The following TDRD12 variants were observed in gnomAD, a reference collection of about 807,000 sequenced individuals.
TDRD12 encodes the protein putative ATP-dependent RNA helicase TDRD12.
In TDRD12, 158 loss-of-function variants were observed where a neutral mutation model predicts 133.5. The ratio of observed to expected loss-of-function variants is 1.18; its 90% CI spans 1.04 to 1.35. TDRD12 has a LOEUF of 1.35. Among genes scored for constraint, TDRD12 ranks in the 40% most tolerant of loss-of-function variants. The pLI is 0.00. For synonymous variants in TDRD12, 460 were observed against 477.9 expected, an observed-to-expected ratio of 0.96 and a Z score of 0.49; for missense variants, 1,443 against 1,321.3, an observed-to-expected ratio of 1.09 and a Z score of -1.43.
chr19:32,799,728 C>CTTTTTTTTTTTTTTTTT lies in TDRD12; in HGVS notation c.1759-432_1759-416dup, dbSNP rs71176153. On this transcript the variant is annotated intron_variant, in intron 16 of 27. Coordinates refer to ENST00000444215, the Ensembl canonical transcript of TDRD12. ...ACATTTTCTCCTATTTAGTTTTTGC[C>CTTTTTTTTTTTTTTTTT]TTTTTTTTTTTTTTTTTTTTTTTGA... is the stretch of plus-strand genomic sequence containing the variant. Among the ~76,000 whole-genome samples, 12 of 78,434 alleles carry CTTTTTTTTTTTTTTTTT rather than the reference C, an allele frequency of 1.5e-4. 1 individual carries two copies. The highest frequency in any genetic ancestry group is 2.2e-4 in the African/African-American group (4 of 17,998). 51.5% of individuals were successfully genotyped at this position (78,434 alleles called of 152,430 possible).
chr19:32,760,038 G>A (rs1970107797), intron 8 of TDRD12, among the ~76,000 whole-genome samples: 1 of 152,178 alleles, frequency 6.6e-6, no homozygotes, highest in Admixed American at 6.5e-5. Context: ...GTTGTTGATG[G>A]GCATGTATTC....
intron 26 of TDRD12, among the ~76,000 whole-genome samples, chr19:32,816,408 A>T (rs1005371621): frequency 6.6e-6 from 1 of 152,106 alleles, no homozygotes; most frequent in African/African-American, 2.4e-5. Context: ...GAAAGGAATT[A>T]GACAGTATGC....
At chr19:32,731,640 A>G in intron 1 of TDRD12, 85 bp from the exon 2 acceptor site, 1 of 1,229,744 alleles carries the variant, frequency 8.1e-7, no homozygotes, top group South Asian at 1.9e-5. Flanking sequence ...TTAAATTAGA[A>G]ACAGTAATCG....
intron 2 of TDRD12, among the ~76,000 whole-genome samples, chr19:32,735,085 A>G (rs1313921073): frequency 3.9e-5 from 6 of 152,208 alleles, no homozygotes; most frequent in African/African-American, 1.4e-4. Flanking sequence ...ATGGCCCCTA[A>G]GTGTTCAAGT....
intron 8 of TDRD12, among the ~76,000 whole-genome samples, chr19:32,763,902 T>C (rs1390213747): frequency 6.6e-6 from 1 of 152,188 alleles, no homozygotes; most frequent in Non-Finnish European, 1.5e-5. Flanking sequence ...GTTTGCCCTG[T>C]GACCTCACTT....
At chr19:32,824,747 C>T (rs553781176), downstream of TDRD12, among the ~76,000 whole-genome samples, 5 of 152,206 alleles carry the variant, frequency 3.3e-5, no homozygotes, top group South Asian at 8.3e-4. Flanking sequence ...CCACCCCCCG[C>T]CGCCCTTTCT....
chr19:32,788,864 G>A (rs1243075235), intron 11 of TDRD12, among the ~76,000 whole-genome samples: 1 of 152,176 alleles, frequency 6.6e-6, no homozygotes, highest in Non-Finnish European at 1.5e-5. Flanking sequence ...GGCTTCTCCT[G>A]TCTCTGGCCC....
chr19:32,758,228 A>G (rs1432921850), intron 8 of TDRD12, among the ~76,000 whole-genome samples: 2 of 152,166 alleles, frequency 1.3e-5, no homozygotes, highest in Non-Finnish European at 2.9e-5. Flanking sequence ...GTGTAACCTC[A>G]TTCTTCTTGG....
chr19:32,750,111 T>C (rs1247733380), intron 6 of TDRD12, among the ~76,000 whole-genome samples: 1 of 152,220 alleles, frequency 6.6e-6, no homozygotes, highest in Non-Finnish European at 1.5e-5. Context: ...GTGATGAGCA[T>C]GAAATGTTGT....
rs112922693 is a variant in TDRD12, at chr19:32,800,172, T to C, written c.1764T>C (p.Phe588=). ...TAATTATGCTAATTTTTCAGATGTT[T>C]GCTATATTAGATAACTTTAAAAAAA... The change falls in exon 17 of 28, where the codon TTT becomes TTC. Residue 588 remains phenylalanine, a synonymous_variant. Coordinates refer to ENST00000444215, the Ensembl canonical transcript of TDRD12. The C allele has an allele frequency of 3.4e-3, 5,008 of 1,466,598 alleles. 141 individuals are homozygous for C. The African/African-American group carries it at 0.06, about 18-fold the overall frequency. The allele number at this position is 1,466,598 out of a possible 1,614,324, so 90.8% of individuals were successfully genotyped here.
At chr19:32,777,768 C>T (rs568110930) in intron 11 of TDRD12, among the ~76,000 whole-genome samples, 5 of 125,944 alleles carry the variant, frequency 4.0e-5, no homozygotes. Flanking sequence ...CCTCAGCCTC[C>T]CAAGTAGCTG....
intron 16 of TDRD12, among the ~76,000 whole-genome samples, chr19:32,799,071 T>A (rs1451368646): frequency 6.6e-6 from 1 of 152,146 alleles, no homozygotes; most frequent in African/African-American, 2.4e-5. Flanking sequence ...TTTGCACCTG[T>A]TTCCTTTAGG....
chr19:32,778,629 A>ACT (rs887227060), intron 11 of TDRD12, among the ~76,000 whole-genome samples: 1 of 152,030 alleles, frequency 6.6e-6, no homozygotes, highest in Non-Finnish European at 1.5e-5. Flanking sequence ...CCTCCTGAGT[A>ACT]GCTGGAATTA....
chr19:32,762,969 G>A (rs1970193261), intron 8 of TDRD12, among the ~76,000 whole-genome samples: 1 of 152,158 alleles, frequency 6.6e-6, no homozygotes, highest in South Asian at 2.1e-4. Flanking sequence ...GCTGTAGGCA[G>A]CTGTAACACA....
intron 8 of TDRD12, among the ~76,000 whole-genome samples, chr19:32,768,115 C>T (rs1290836912): frequency 1.3e-5 from 2 of 152,086 alleles, no homozygotes; most frequent in African/African-American, 2.4e-5. Flanking sequence ...TGAGTGGCCG[C>T]GCCCCAGGCC....
intron 15 of TDRD12, 105 bp downstream of exon 15, chr19:32,797,996 G>A (rs779576887): frequency 1.3e-5 from 8 of 595,950 alleles, no homozygotes; most frequent in Non-Finnish European, 2.4e-5. Context: ...CAGTGACATG[G>A]CTTGTGTGAT....
Position 32,746,905 on chromosome 19 carries a change from AG to A in TDRD12, c.441-1570del, listed in dbSNP as rs1467001922. Among the ~76,000 whole-genome samples the A allele has an allele frequency of 5.0e-4, 70 of 139,744 alleles. 1 individual carries two copies. Among genetic ancestry groups the A allele is most frequent in the Admixed American group, 4.2e-3 (59 of 13,994 alleles). 91.7% of individuals were successfully genotyped at this position (139,744 alleles called of 152,430 possible). On this transcript the variant is annotated intron_variant, in intron 4 of 27. Coordinates refer to ENST00000444215, the Ensembl canonical transcript of TDRD12. Reference sequence around the variant, plus strand: ...GTGTGTGTGTGAGAGAGAGAGAGAGAGAGGGAGAGACTGGCTGATGTGGCTA... The same window carrying A: ...GTGTGTGTGTGAGAGAGAGAGAGAGAAGGGAGAGACTGGCTGATGTGGCTA...
Position 32,789,613 on chromosome 19 carries a change from G to T in TDRD12, c.1122-918G>T, listed in dbSNP as rs78548297. ...AAACTAGCACAGCATGCCTTTTCAT[G>T]ACTGACTTATATTCCATTGCGTGCA... On this transcript the variant is annotated intron_variant, in intron 11 of 27. Coordinates refer to ENST00000444215, the Ensembl canonical transcript of TDRD12. Among the ~76,000 whole-genome samples the T allele has an allele frequency of 8.5e-3, 1,289 of 152,274 alleles. 15 individuals are homozygous for T. Among genetic ancestry groups the T allele is most frequent in the African/African-American group, 0.026 (1,087 of 41,546 alleles).
At chr19:32,754,508 T>G (rs752028446) in intron 6 of TDRD12, among the ~76,000 whole-genome samples, 2 of 151,072 alleles carry the variant, frequency 1.3e-5, no homozygotes, top group African/African-American at 2.4e-5. Context: ...GAACCAGTCG[T>G]TTTTTTTCAT....
Sources: gnomAD v4.1 joint callset for allele counts (sites outside exome capture counted in the v4.1 genomes callset) on GRCh38, gnomAD v4.1.1 for gene constraint, MANE v1.5 for transcripts, NCBI Gene and HGNC (gene_info 2026-07-23, HGNC 2026-07-21) for gene names.